Variants in SHISA6 observed in about 807,000 individuals in gnomAD.
SHISA6 encodes the protein protein shisa-6.
SHISA6 carries 22 observed loss-of-function variants against 47.9 expected under a neutral mutation model. The observed-to-expected ratio is 0.46, with a 90% confidence interval of 0.33 to 0.66. The LOEUF is 0.66. Ranked by LOEUF, SHISA6 falls within the 30% of genes least tolerant of loss-of-function variation. The pLI is 0.02. For missense variants in SHISA6, 680 were observed against 764.6 expected (o/e 0.89, Z 1.30); for synonymous variants, 388 against 337.8 (o/e 1.15, Z -1.63).
chr17:11,276,927 A>C (rs146719001), intron 2 of SHISA6, among the ~76,000 whole-genome samples: 3 of 152,158 alleles, frequency 2.0e-5, no homozygotes, highest in Non-Finnish European at 2.9e-5. Flanking sequence ...TTTTAATACT[A>C]ATATCTAAAG....
chr17:11,401,106 C>T (rs572555978), intron 3 of SHISA6, among the ~76,000 whole-genome samples: 1 of 152,222 alleles, frequency 6.6e-6, no homozygotes, highest in South Asian at 2.1e-4. Flanking sequence ...TAGGCCTTAC[C>T]TGGGAACTCT....
At chr17:11,451,116 C>G (rs2908946) in intron 3 of SHISA6, among the ~76,000 whole-genome samples, 7 of 151,768 alleles carry the variant, frequency 4.6e-5, no homozygotes, top group African/African-American at 1.7e-4. Flanking sequence ...AGGAAGCTGA[C>G]CCTGCTGGTC....
chr17:11,359,299 A>G (rs1420440424), intron 2 of SHISA6, among the ~76,000 whole-genome samples: 1 of 152,154 alleles, frequency 6.6e-6, no homozygotes, highest in Non-Finnish European at 1.5e-5. Flanking sequence ...CTATAACTAA[A>G]CCATATTTTC....
chr17:11,313,095 T>G (rs925113555), intron 2 of SHISA6, among the ~76,000 whole-genome samples: 1 of 152,186 alleles, frequency 6.6e-6, no homozygotes, highest in African/African-American at 2.4e-5. Flanking sequence ...TGTAAGCCAG[T>G]TCAAATCAAT....
At chr17:11,243,399 C>T (rs144715119) in intron 1 of SHISA6, among the ~76,000 whole-genome samples, 7 of 151,782 alleles carry the variant, frequency 4.6e-5, no homozygotes, top group Non-Finnish European at 4.4e-5. Context: ...ACCTCAAACT[C>T]GCGTGCTGGA....
chr17:11,249,582 A>G (rs956898371), intron 1 of SHISA6, among the ~76,000 whole-genome samples: 13 of 152,152 alleles, frequency 8.5e-5, no homozygotes, highest in African/African-American at 2.4e-4. Flanking sequence ...CTGGTTGTAC[A>G]TACCTTAATG....
intron 2 of SHISA6, among the ~76,000 whole-genome samples, chr17:11,271,102 G>T (rs541334264): frequency 6.6e-6 from 1 of 152,192 alleles, no homozygotes; most frequent in Admixed American, 6.5e-5. Context: ...GAGAAGAGGC[G>T]GGAAGGGTGT....
intron 3 of SHISA6, among the ~76,000 whole-genome samples, chr17:11,399,156 T>C (rs984813131): frequency 7.2e-5 from 11 of 152,188 alleles, no homozygotes; most frequent in African/African-American, 2.7e-4. Flanking sequence ...AATGTTTTGA[T>C]TGTATTTTAC....
intron 1 of SHISA6, among the ~76,000 whole-genome samples, chr17:11,243,301 A>AT (rs11448100): frequency 0.018 from 2,661 of 149,912 alleles, 78 homozygotes; most frequent in African/African-American, 0.06. Context: ...AAAAGAGCTG[A>AT]TTTTTTTTTT....
intron 3 of SHISA6, among the ~76,000 whole-genome samples, chr17:11,441,887 C>G (rs1915103815): frequency 6.6e-6 from 1 of 152,134 alleles, no homozygotes; most frequent in Non-Finnish European, 1.5e-5. Context: ...GAGCAGTGAG[C>G]AGCTCTGCAG....
chr17:11,400,745 G>T (rs1414251477), intron 3 of SHISA6, among the ~76,000 whole-genome samples: 1 of 151,964 alleles, frequency 6.6e-6, no homozygotes, highest in Non-Finnish European at 1.5e-5. Context: ...CATTCTGATT[G>T]TCCATATGTG....
In SHISA6 at chr17:11,508,396, C is replaced by T. The variant is rs148538229; in HGVS notation, c.896-43500C>T. 1.2e-3 allele frequency among the ~76,000 whole-genome samples: 164 copies of T among 141,838 alleles called. 17 individuals carry two copies. The highest frequency in any genetic ancestry group is 2.0e-3 in the Non-Finnish European group (127 of 64,220). 93.1% of individuals were successfully genotyped at this position (141,838 alleles called of 152,430 possible). The stretch of plus-strand genomic sequence containing the variant: ...AATGTCAAGCCCCTTTATAAAGGCA[C>T]CTAGCCCCATTCACCAAAGAGGAGC... On this transcript the variant is annotated intron_variant, in intron 3 of 5. Transcript: ENST00000441885.
intron 2 of SHISA6, among the ~76,000 whole-genome samples, chr17:11,304,996 C>CA (rs756017512): frequency 1.3e-5 from 2 of 152,182 alleles, no homozygotes; most frequent in Admixed American, 1.3e-4. Context: ...TTATGTGGTT[C>CA]AAAGAGTCCT....
intron 3 of SHISA6, among the ~76,000 whole-genome samples, chr17:11,474,478 A>T (rs7213932): frequency 0.11 from 16,281 of 150,294 alleles, 1,716 homozygotes; most frequent in African/African-American, 0.28. Flanking sequence ...TGTCAGATGG[A>T]TAGATTGCAG....
chr17:11,366,450 G>A lies in SHISA6; in HGVS notation c.800-12964G>A, dbSNP rs138788462. On this transcript the variant is annotated intron_variant, in intron 2 of 5. Coordinates refer to ENST00000441885, the MANE Select transcript of SHISA6 (RefSeq NM_207386.4). ...CCACTGTGCCCAGCTACATTTGTAT[G>A]TTAAGTGTAATATGACGCCTTGGAA... Among the ~76,000 whole-genome samples the A allele has an allele frequency of 5.4e-4, 82 of 152,352 alleles. 1 individual carries two copies. In the East Asian group the frequency reaches 0.015, roughly 28 times the overall value.
At chr17:11,505,589 T>C (rs2071492230) in intron 3 of SHISA6, among the ~76,000 whole-genome samples, 1 of 152,210 alleles carries the variant, frequency 6.6e-6, no homozygotes, top group Non-Finnish European at 1.5e-5. Flanking sequence ...ACTTCCAGGC[T>C]CAAGGGGCTT....
At chr17:11,491,258 G>A (rs1210716128) in intron 3 of SHISA6, among the ~76,000 whole-genome samples, 1 of 152,162 alleles carries the variant, frequency 6.6e-6, no homozygotes, top group Non-Finnish European at 1.5e-5. Flanking sequence ...CTCGAGCAGG[G>A]ATTTTGCCAA....
intron 2 of SHISA6, among the ~76,000 whole-genome samples, chr17:11,316,412 TCTCTCTC>T (rs1261254631): frequency 6.0e-5 from 4 of 66,964 alleles, no homozygotes; most frequent in African/African-American, 1.7e-4. Flanking sequence ...TCTCTCTCTC[TCTCTCTC>T]TTTTTTTTTT....
At position 11,367,440 on chromosome 17, in the gene SHISA6, G is replaced by A. The variant is rs12948729; in HGVS notation, c.800-11974G>A. On this transcript the variant is annotated intron_variant, in intron 2 of 5. Transcript: ENST00000441885. ...AAGGTCATGAGTTGAAGGGCACAGA[G>A]AACAGGGAACACTGGAGGTTTCAGG... 7.9e-3 allele frequency among the ~76,000 whole-genome samples: 1,206 copies of A among 152,288 alleles called. 4 individuals carry two copies. Among genetic ancestry groups the A allele is most frequent in the Non-Finnish European group, 0.013 (875 of 68,032 alleles).
Sources: allele counts gnomAD v4.1 joint callset (sites outside exome capture counted in the v4.1 genomes callset), GRCh38; gene constraint gnomAD v4.1.1; transcripts MANE v1.5; gene names NCBI Gene and HGNC (gene_info 2026-07-23, HGNC 2026-07-21).